GRID2: variants seen among roughly 807,000 people sequenced by gnomAD.
The protein encoded by GRID2 is glutamate receptor ionotropic, delta-2.
A neutral mutation model predicts 114.8 loss-of-function variants in GRID2; 33 were observed. That is an observed-to-expected ratio of 0.29 (90% CI 0.22 to 0.38). The LOEUF is 0.38. Among genes scored for constraint, GRID2 ranks in the 10% least tolerant of loss-of-function variants. GRID2 has a pLI of 1.00. For synonymous variants in GRID2, 505 were observed against 449.9 expected (o/e 1.12, Z -1.55); for missense variants, 1,184 against 1,257.7 (o/e 0.94, Z 0.89).
chr4:92,739,065 C>T (rs887826621), intron 2 of GRID2, among the ~76,000 whole-genome samples: 4 of 152,084 alleles, frequency 2.6e-5, no homozygotes, highest in South Asian at 4.2e-4. Flanking sequence ...AAAAGAGTAG[C>T]AAATACTCAC....
intron 2 of GRID2, among the ~76,000 whole-genome samples, chr4:93,053,457 C>A (rs1445050346): frequency 6.6e-6 from 1 of 151,898 alleles, no homozygotes; most frequent in East Asian, 1.9e-4. Flanking sequence ...TGGTCACCAA[C>A]AGTTCTGTCT....
intron 8 of GRID2, among the ~76,000 whole-genome samples, chr4:93,345,998 T>C (rs1760196380): frequency 6.6e-6 from 1 of 152,104 alleles, no homozygotes; most frequent in South Asian, 2.1e-4. Flanking sequence ...GACCCCTTAG[T>C]CTATATGTAT....
chr4:92,877,408 G>C (rs903237142), intron 2 of GRID2, among the ~76,000 whole-genome samples: 1 of 152,172 alleles, frequency 6.6e-6, no homozygotes, highest in African/African-American at 2.4e-5. Flanking sequence ...TGTATGTGTG[G>C]AGCAATATGA....
At chr4:92,634,317 A>G (rs1730958186) in intron 2 of GRID2, among the ~76,000 whole-genome samples, 1 of 152,138 alleles carries the variant, frequency 6.6e-6, no homozygotes, top group Admixed American at 6.6e-5. Context: ...GTGATGTACA[A>G]CAGAATCATG....
chr4:92,745,286 A>G (rs1048345137), intron 2 of GRID2, among the ~76,000 whole-genome samples: 16 of 152,210 alleles, frequency 1.1e-4, no homozygotes, highest in Non-Finnish European at 5.9e-5. Flanking sequence ...ACTTACATTG[A>G]GAATATTTAA....
chr4:93,332,663 A>T (rs1189516889), intron 8 of GRID2, among the ~76,000 whole-genome samples: 1 of 152,128 alleles, frequency 6.6e-6, no homozygotes, highest in Non-Finnish European at 1.5e-5. Context: ...GTTTTAAGAC[A>T]TGCCAGGAGA....
intron 1 of GRID2, among the ~76,000 whole-genome samples, chr4:92,391,168 A>C (rs1730221380): frequency 1.3e-5 from 2 of 152,206 alleles, no homozygotes; most frequent in Admixed American, 1.3e-4. Flanking sequence ...TGATTAATCT[A>C]TCAATCTCTA....
intron 2 of GRID2, among the ~76,000 whole-genome samples, chr4:92,660,469 A>G (rs954877051): frequency 1.3e-5 from 2 of 151,330 alleles, no homozygotes; most frequent in Non-Finnish European, 3.0e-5. Context: ...AAGAAATGAT[A>G]CATGAGTAAA....
intron 14 of GRID2, among the ~76,000 whole-genome samples, chr4:93,688,477 A>C (rs1206947496): frequency 6.6e-6 from 1 of 152,036 alleles, no homozygotes; most frequent in East Asian, 1.9e-4. Flanking sequence ...CTTATTTTTC[A>C]AAAGGTAAAA....
chr4:92,352,816 A>G (rs1249965264), intron 1 of GRID2, among the ~76,000 whole-genome samples: 1 of 151,852 alleles, frequency 6.6e-6, no homozygotes, highest in Non-Finnish European at 1.5e-5. Context: ...GATGGTAAAC[A>G]CTTTTGCTTT....
At chr4:92,501,230 G>T (rs1723668592) in intron 1 of GRID2, among the ~76,000 whole-genome samples, 1 of 152,146 alleles carries the variant, frequency 6.6e-6, no homozygotes, top group African/African-American at 2.4e-5. Context: ...TACAGGAGTA[G>T]CCAACTATTG....
rs1046609772 is a variant in GRID2, at chr4:93,083,557, TTGG to T, written c.245-1434_245-1432del. The stretch of plus-strand genomic sequence containing the variant: ...AAACACACAAAAAAATCAGCTGGGC[TTGG>T]TGGCACAGGCCTGTAATCCCACCTA... On this transcript the variant is annotated intron_variant, in intron 2 of 15. Coordinates refer to ENST00000282020, the MANE Select transcript of GRID2 (RefSeq NM_001510.4). Among the ~76,000 whole-genome samples the T allele has an allele frequency of 2.6e-5, 4 of 151,754 alleles. 1 individual carries two copies. The highest frequency in any genetic ancestry group is 9.7e-5 in the African/African-American group (4 of 41,410).
rs7696484 is a variant in GRID2, at chr4:93,474,481, T to G, written c.1859-16158T>G. On this transcript the variant is annotated intron_variant, in intron 11 of 15. Transcript: ENST00000282020. Reference sequence around the variant, plus strand: ...AAATAATGGGGAGTTTTTCTGAGTCTTATAGACAAACTCTTATTCTGTTTG... The same window carrying G: ...AAATAATGGGGAGTTTTTCTGAGTCGTATAGACAAACTCTTATTCTGTTTG... Among the ~76,000 whole-genome samples the G allele has an allele frequency of 7.9e-3, 1,209 of 152,302 alleles. 18 individuals are homozygous for G. Among genetic ancestry groups the G allele is most frequent in the African/African-American group, 0.028 (1,160 of 41,586 alleles).
chr4:93,087,986 G>T (rs574084845), intron 3 of GRID2, among the ~76,000 whole-genome samples: 1 of 152,224 alleles, frequency 6.6e-6, no homozygotes, highest in African/African-American at 2.4e-5. Context: ...TTAAGAAATG[G>T]ATTAACTATG....
intron 1 of GRID2, among the ~76,000 whole-genome samples, chr4:92,514,072 A>T (rs1289945422): frequency 1.3e-5 from 2 of 151,876 alleles, no homozygotes; most frequent in African/African-American, 2.4e-5. Context: ...TCAGGGGAAG[A>T]CTATAAATAA....
chr4:92,806,444 C>T (rs984341538), intron 2 of GRID2, among the ~76,000 whole-genome samples: 1 of 151,760 alleles, frequency 6.6e-6, no homozygotes, highest in Admixed American at 6.6e-5. Context: ...TCCATTATAC[C>T]TTCTGCTGAC....
chr4:92,712,551 T>A (rs1415869103), intron 2 of GRID2, among the ~76,000 whole-genome samples: 1 of 152,142 alleles, frequency 6.6e-6, no homozygotes, highest in Non-Finnish European at 1.5e-5. Flanking sequence ...CCTACTTCCA[T>A]ATATAGTATA....
At chr4:93,184,269 A>T (rs927940395) in intron 4 of GRID2, among the ~76,000 whole-genome samples, 2 of 152,138 alleles carry the variant, frequency 1.3e-5, no homozygotes, top group Non-Finnish European at 2.9e-5. Context: ...GCTTGGCTCT[A>T]GCTATGCATG....
chr4:92,330,831 G>A (rs1422105209), intron 1 of GRID2, among the ~76,000 whole-genome samples: 7 of 151,996 alleles, frequency 4.6e-5, no homozygotes, highest in Non-Finnish European at 8.8e-5. Context: ...AAATTAGAAT[G>A]TGAAAAAGTT....
Sources: allele counts gnomAD v4.1 joint callset (sites outside exome capture counted in the v4.1 genomes callset), GRCh38; gene constraint gnomAD v4.1.1; transcripts MANE v1.5; gene names NCBI Gene and HGNC (gene_info 2026-07-23, HGNC 2026-07-21).